CSMD1: variants seen among roughly 807,000 people sequenced by gnomAD.
CSMD1 encodes the protein CUB and Sushi multiple domains 1, also known as CUB and sushi domain-containing protein 1.
In CSMD1, 213 loss-of-function variants were observed where a neutral mutation model predicts 417.5. The observed-to-expected ratio is 0.51, with a 90% CI of 0.46 to 0.57. The LOEUF is 0.57. Among genes scored for constraint, CSMD1 ranks in the 20% least tolerant of loss-of-function variants. The pLI is 0.00. For missense variants in CSMD1, 6,923 were observed against 4,529.7 expected (o/e 1.53, Z -15.17); for synonymous variants, 2,862 against 1,736.8 (o/e 1.65, Z -16.11).
At chr8:4,259,371 AAGGAG>A (rs1481310792) in intron 3 of CSMD1, among the ~76,000 whole-genome samples, 1 of 152,142 alleles carries the variant, frequency 6.6e-6, no homozygotes, top group Non-Finnish European at 1.5e-5. Context: ...GATCTCAAGA[AAGGAG>A]AGGACAGGAG....
At chr8:3,376,387 G>C (rs1256053862) in intron 18 of CSMD1, among the ~76,000 whole-genome samples, 1 of 151,932 alleles carries the variant, frequency 6.6e-6, no homozygotes, top group Non-Finnish European at 1.5e-5. Flanking sequence ...ATCTCATGGT[G>C]ACACAGACTT....
At chr8:3,757,586 G>A (rs545300103) in intron 5 of CSMD1, among the ~76,000 whole-genome samples, 34 of 152,224 alleles carry the variant, frequency 2.2e-4, no homozygotes, top group South Asian at 4.1e-4. Context: ...AAACAGACCC[G>A]GTGCAGTGGC....
intron 5 of CSMD1, among the ~76,000 whole-genome samples, chr8:3,988,822 T>C (rs1362636203): frequency 1.3e-5 from 2 of 152,198 alleles, no homozygotes; most frequent in Non-Finnish European, 2.9e-5. Flanking sequence ...GGAAGGGTCA[T>C]CATTTAGGTC....
intron 37 of CSMD1, among the ~76,000 whole-genome samples, chr8:3,180,287 G>C (rs1007902496): frequency 6.6e-6 from 1 of 152,144 alleles, no homozygotes; most frequent in Non-Finnish European, 1.5e-5. Context: ...ATCTTTAAAA[G>C]GTTAGAGTCG....
At chr8:4,751,391 A>AG (rs35262433) in intron 1 of CSMD1, among the ~76,000 whole-genome samples, 28,151 of 151,662 alleles carry the variant, frequency 0.19, 2,851 homozygotes, top group African/African-American at 0.27. Context: ...ACTCTGTCTC[A>AG]GGGGGGGTGG....
intron 10 of CSMD1, among the ~76,000 whole-genome samples, chr8:3,507,055 T>C (rs888789802): frequency 6.6e-6 from 1 of 152,196 alleles, no homozygotes; most frequent in African/African-American, 2.4e-5. Flanking sequence ...GTGCCTAACA[T>C]AGAGCTTGGT....
intron 51 of CSMD1, among the ~76,000 whole-genome samples, chr8:3,018,915 T>C (rs1219368549): frequency 2.6e-5 from 4 of 152,124 alleles, no homozygotes; most frequent in Non-Finnish European, 5.9e-5. Flanking sequence ...CAATTACCCA[T>C]TAACTTTTGT....
At chr8:3,481,552 G>T in intron 11 of CSMD1, among the ~76,000 whole-genome samples, 1 of 152,152 alleles carries the variant, frequency 6.6e-6, no homozygotes. Flanking sequence ...TCAAATCTGT[G>T]AAACTTACTT....
At chr8:3,215,585 C>G (rs1328173112) in intron 29 of CSMD1, among the ~76,000 whole-genome samples, 1 of 152,234 alleles carries the variant, frequency 6.6e-6, no homozygotes, top group African/African-American at 2.4e-5. Context: ...TCACTTTTGG[C>G]TGCATTAAGT....
chr8:3,053,089 T>C (rs551236644), intron 49 of CSMD1, among the ~76,000 whole-genome samples: 1 of 152,328 alleles, frequency 6.6e-6, no homozygotes, highest in East Asian at 1.9e-4. Context: ...GCATGAATTC[T>C]ATTTCTAGGG....
intron 3 of CSMD1, among the ~76,000 whole-genome samples, chr8:4,089,636 A>G (rs191367762): frequency 1.2e-4 from 18 of 152,324 alleles, no homozygotes; most frequent in Admixed American, 3.3e-4. Context: ...ATTCTAAGGA[A>G]TAAGTGAAGA....
At position 4,526,870 on chromosome 8, in the gene CSMD1, T is replaced by G. The variant is rs1039417299; in HGVS notation, c.303-106805A>C. ...TCCCCCCAAGAAGACATAGGATATT[T>G]AGCCATGATTCCAGAAGACTATTGT... On this transcript the variant is annotated intron_variant, in intron 2 of 69. Transcript: ENST00000635120. 2.6e-5 allele frequency among the ~76,000 whole-genome samples: 4 copies of G among 152,178 alleles called. 1 individual carries two copies. Among genetic ancestry groups the G allele is most frequent in the Non-Finnish European group, 4.4e-5 (3 of 68,018 alleles).
intron 12 of CSMD1, 116 bp from the exon 13 acceptor site, chr8:3,409,721 G>T: frequency 4.0e-6 from 3 of 747,196 alleles, no homozygotes; most frequent in Non-Finnish European, 6.4e-6. Context: ...CATCATTTTT[G>T]TAAAGTGTTT....
At chr8:3,663,199 G>A (rs541902437) in intron 7 of CSMD1, among the ~76,000 whole-genome samples, 13 of 152,218 alleles carry the variant, frequency 8.5e-5, no homozygotes, top group South Asian at 2.1e-4. Flanking sequence ...CAGAGAAAGC[G>A]TGAACAACAA....
chr8:3,031,688 G>A (rs1314786092), intron 50 of CSMD1, among the ~76,000 whole-genome samples: 2 of 151,918 alleles, frequency 1.3e-5, no homozygotes, highest in African/African-American at 2.4e-5. Flanking sequence ...ATGAGCCGCT[G>A]CACCCAGCCA....
chr8:2,947,110 C>G (rs1311396364), intron 68 of CSMD1, among the ~76,000 whole-genome samples: 1 of 152,178 alleles, frequency 6.6e-6, no homozygotes, highest in Non-Finnish European at 1.5e-5. Context: ...TTCGTACATT[C>G]TGGATACAAG....
chr8:3,319,419 A>C (rs1297588476), intron 23 of CSMD1, among the ~76,000 whole-genome samples: 1 of 152,232 alleles, frequency 6.6e-6, no homozygotes, highest in African/African-American at 2.4e-5. Context: ...ACATAATTGA[A>C]AACAGAGTTT....
At chr8:4,549,400 G>A (rs1255345392) in intron 2 of CSMD1, among the ~76,000 whole-genome samples, 1 of 152,112 alleles carries the variant, frequency 6.6e-6, no homozygotes, top group African/African-American at 2.4e-5. Context: ...CACAGTAACA[G>A]TTTTCTAATT....
chr8:4,928,166 C>T (rs1033516905), intron 1 of CSMD1, among the ~76,000 whole-genome samples: 4 of 152,124 alleles, frequency 2.6e-5, no homozygotes, highest in South Asian at 2.1e-4. Context: ...TAGACTTTCC[C>T]GTTGCCATTG....
Sources: gnomAD v4.1 joint callset for allele counts (sites outside exome capture counted in the v4.1 genomes callset) on GRCh38, gnomAD v4.1.1 for gene constraint, MANE v1.5 for transcripts, NCBI Gene and HGNC (gene_info 2026-07-23, HGNC 2026-07-21) for gene names.